The following ST8SIA5 variants were observed in gnomAD, a reference collection of about 807,000 sequenced individuals.
ST8SIA5 encodes the protein alpha-2,8-sialyltransferase 8E.
Under a neutral mutation model 40.2 loss-of-function variants are expected in ST8SIA5, and 24 were observed. That is an observed-to-expected ratio of 0.60 (90% CI 0.43 to 0.84). ST8SIA5 has a LOEUF of 0.84. Ranked by LOEUF, ST8SIA5 falls within the 40% of genes least tolerant of loss-of-function variation. The probability of loss-of-function intolerance (pLI) is 0.00; values close to 1 mark genes in which losing one functional copy is unlikely to be tolerated. For synonymous variants in ST8SIA5, 198 were observed against 201.8 expected, an observed-to-expected ratio of 0.98 and a Z score of 0.16; for missense variants, 465 against 498.5, an observed-to-expected ratio of 0.93 and a Z score of 0.64.
At chr18:46,746,178 A>G (rs529887079) in intron 1 of ST8SIA5, among the ~76,000 whole-genome samples, 1 of 152,320 alleles carries the variant, frequency 6.6e-6, no homozygotes, top group East Asian at 1.9e-4. Flanking sequence ...GTCCTCTCTC[A>G]CCACTCCTAT....
At chr18:46,727,005 A>C (rs1248940713) in intron 1 of ST8SIA5, among the ~76,000 whole-genome samples, 1 of 152,262 alleles carries the variant, frequency 6.6e-6, no homozygotes, top group Non-Finnish European at 1.5e-5. Flanking sequence ...AGCCAAGGGC[A>C]GCTTCCTGGA....
At chr18:46,689,631 T>C (rs2039483786) in intron 3 of ST8SIA5, among the ~76,000 whole-genome samples, 1 of 150,954 alleles carries the variant, frequency 6.6e-6, no homozygotes, top group African/African-American at 2.4e-5. Flanking sequence ...TGGAGTTCAA[T>C]GGTGCGATCT....
intron 4 of ST8SIA5, 35 bp downstream of exon 4, chr18:46,688,740 C>A (rs761652731): frequency 1.9e-6 from 3 of 1,588,510 alleles, no homozygotes; most frequent in Non-Finnish European, 2.6e-6. Context: ...TTGGCTCCCT[C>A]GCCCCACCCA....
At chr18:46,719,818 T>C (rs1010683591) in intron 1 of ST8SIA5, among the ~76,000 whole-genome samples, 1 of 48,596 alleles carries the variant, frequency 2.1e-5, no homozygotes, top group African/African-American at 5.2e-5. Flanking sequence ...TTTCCTTCCT[T>C]TCTCTTTCTT....
At chr18:46,743,391 C>T (rs370900394) in intron 1 of ST8SIA5, among the ~76,000 whole-genome samples, 7 of 152,276 alleles carry the variant, frequency 4.6e-5, no homozygotes, top group African/African-American at 1.7e-4. Flanking sequence ...GAGCTGAAAA[C>T]TATGGTACAA....
Position 46,674,113 on chromosome 18 carries a change from C to T in ST8SIA5, c.*5929G>A, listed in dbSNP as rs2039325698. The T allele has an allele frequency of 6.6e-6, 1 of 152,188 alleles. No homozygotes were observed. Among genetic ancestry groups the T allele is most frequent in the African/African-American group, 2.4e-5 (1 of 41,440 alleles). 9.4% of individuals were successfully genotyped at this position (152,188 alleles called of 1,614,324 possible). ...GCATGTTCCTCTAGTTTTTTAAACA[C>T]CATTGATAAATCCCTCTTACATTGC... On this transcript the variant is annotated 3_prime_UTR_variant, in exon 7 of 7. Transcript: ENST00000315087.
chr18:46,750,455 C>CT (rs1186167288), intron 1 of ST8SIA5, among the ~76,000 whole-genome samples: 1 of 152,126 alleles, frequency 6.6e-6, no homozygotes, highest in Non-Finnish European at 1.5e-5. Flanking sequence ...TCTTTTAATG[C>CT]TTTTTCTTCT....
intron 6 of ST8SIA5, 139 bp from the exon 7 acceptor site, chr18:46,680,649 C>A: frequency 1.2e-6 from 1 of 856,326 alleles, no homozygotes; most frequent in Admixed American, 2.9e-5. Context: ...ACCTCACGCA[C>A]CTGTGCAGAT....
At chr18:46,746,695 C>A (rs1033315747) in intron 1 of ST8SIA5, among the ~76,000 whole-genome samples, 1 of 151,968 alleles carries the variant, frequency 6.6e-6, no homozygotes, top group Non-Finnish European at 1.5e-5. Context: ...CAATGACTTT[C>A]GTCACAGAAT....
intron 1 of ST8SIA5, among the ~76,000 whole-genome samples, chr18:46,735,929 T>C (rs1161661296): frequency 6.6e-6 from 1 of 152,264 alleles, no homozygotes. Flanking sequence ...TTGTACTATA[T>C]TGTTTTGAAA....
At chr18:46,742,138 A>C (rs1181012221) in intron 1 of ST8SIA5, among the ~76,000 whole-genome samples, 1 of 151,976 alleles carries the variant, frequency 6.6e-6, no homozygotes, top group Admixed American at 6.5e-5. Flanking sequence ...TTTCAAAATA[A>C]GAAAAAACAA....
At chr18:46,710,369 TTCTTTC>T (rs1313773761) in intron 1 of ST8SIA5, among the ~76,000 whole-genome samples, 2 of 36,750 alleles carry the variant, frequency 5.4e-5, no homozygotes, top group Non-Finnish European at 1.3e-4. Flanking sequence ...TTTCTTTTCT[TTCTTTC>T]TTTCTTTCTT....
chr18:46,724,586 TG>T (rs2039895547), intron 1 of ST8SIA5, among the ~76,000 whole-genome samples: 1 of 152,234 alleles, frequency 6.6e-6, no homozygotes, highest in Non-Finnish European at 1.5e-5. Flanking sequence ...AATTTGGGTT[TG>T]GTTTATTCAG....
At chr18:46,730,304 TCA>T in intron 1 of ST8SIA5, 1 of 958,958 alleles carries the variant, frequency 1.0e-6, no homozygotes, top group Non-Finnish European at 1.2e-6. Context: ...TCTTGAAGTC[TCA>T]GTTTTCTCAT....
intron 1 of ST8SIA5, among the ~76,000 whole-genome samples, chr18:46,738,553 C>T (rs1357280492): frequency 6.6e-6 from 1 of 152,200 alleles, no homozygotes; most frequent in Non-Finnish European, 1.5e-5. Context: ...CACCTCATCT[C>T]AGTTTTGCAG....
rs927756461 is a variant in ST8SIA5, at chr18:46,677,818, A to G, written c.*2224T>C. 3 of 152,222 alleles carry G rather than the reference A, an allele frequency of 2.0e-5. No homozygotes were observed. Among genetic ancestry groups the G allele is most frequent in the African/African-American group, 7.2e-5 (3 of 41,462 alleles). 9.4% of individuals were successfully genotyped at this position (152,222 alleles called of 1,614,324 possible). On this transcript the variant is annotated 3_prime_UTR_variant, in exon 7 of 7. Coordinates refer to ENST00000315087, the MANE Select transcript of ST8SIA5 (RefSeq NM_013305.6). The stretch of plus-strand genomic sequence containing the variant: ...AGGGAGCCTCCCCCAAACACTGCCC[A>G]TCTGGAACATAACTAGTACCCAGAG...
At chr18:46,753,333 A>G (rs1568284043) in intron 1 of ST8SIA5, among the ~76,000 whole-genome samples, 1 of 152,108 alleles carries the variant, frequency 6.6e-6, no homozygotes, top group South Asian at 2.1e-4. Flanking sequence ...AGCACTTTGG[A>G]AGGCCGAGGC....
At chr18:46,718,340 A>AG (rs1555696368) in intron 1 of ST8SIA5, among the ~76,000 whole-genome samples, 21 of 151,660 alleles carry the variant, frequency 1.4e-4, no homozygotes, top group South Asian at 6.3e-4. Context: ...AAAAAAAAAA[A>AG]AAAAAGAAAA....
chr18:46,697,436 C>T (rs2039567732), intron 2 of ST8SIA5, among the ~76,000 whole-genome samples: 1 of 152,024 alleles, frequency 6.6e-6, no homozygotes, highest in African/African-American at 2.4e-5. Flanking sequence ...AAGATGAAGT[C>T]AAGGGATTTT....
Sources: allele counts gnomAD v4.1 joint callset (sites outside exome capture counted in the v4.1 genomes callset), GRCh38; gene constraint gnomAD v4.1.1; transcripts MANE v1.5; gene names NCBI Gene and HGNC (gene_info 2026-07-23, HGNC 2026-07-21).